RPRD1A: variants seen among roughly 807,000 people sequenced by gnomAD.
RPRD1A encodes regulation of nuclear pre-mRNA domain-containing protein 1A.
Under a neutral mutation model 37.8 loss-of-function variants are expected in RPRD1A, and 9 were observed. The ratio of observed to expected loss-of-function variants is 0.24; its 90% confidence interval spans 0.14 to 0.42. RPRD1A has a LOEUF of 0.42. RPRD1A is among the 10% of genes least tolerant of loss of function. RPRD1A has a pLI of 1.00. For missense variants in RPRD1A, 255 were observed against 371.0 expected (o/e 0.69, Z 2.57); for synonymous variants, 138 against 139.7 (o/e 0.99, Z 0.08).
intron 1 of RPRD1A, among the ~76,000 whole-genome samples, chr18:36,039,140 T>C (rs1912405984): frequency 6.6e-6 from 1 of 152,130 alleles, no homozygotes. Flanking sequence ...TGGAATGATA[T>C]GGTTTGGCTG....
intron 6 of RPRD1A, among the ~76,000 whole-genome samples, chr18:36,013,988 T>C (rs1910337944): frequency 6.6e-6 from 1 of 152,138 alleles, no homozygotes; most frequent in African/African-American, 2.4e-5. Context: ...TTTTCAGTAT[T>C]TGTGGTTTTT....
chr18:36,062,351 T>C (rs1264514766), intron 1 of RPRD1A, among the ~76,000 whole-genome samples: 2 of 120,068 alleles, frequency 1.7e-5, no homozygotes, highest in Admixed American at 8.3e-5. Flanking sequence ...AAAAAAAACA[T>C]GTACCCACTG....
intron 6 of RPRD1A, among the ~76,000 whole-genome samples, chr18:35,995,261 G>GTTTTTTTTT (rs1232555714): frequency 9.2e-6 from 1 of 109,210 alleles, no homozygotes. Context: ...GCTTTTTTTC[G>GTTTTTTTTT]TTTTTTTTTT....
intron 1 of RPRD1A, among the ~76,000 whole-genome samples, chr18:36,052,642 A>G (rs568644731): frequency 6.6e-6 from 1 of 152,282 alleles, no homozygotes; most frequent in South Asian, 2.1e-4. Flanking sequence ...CCTGTCACCC[A>G]GGGTGGAGTG....
At chr18:36,062,322 T>A (rs1458420661) in intron 1 of RPRD1A, among the ~76,000 whole-genome samples, 2 of 35,770 alleles carry the variant, frequency 5.6e-5, no homozygotes, top group African/African-American at 3.6e-4. Context: ...AGACTCCGTC[T>A]CAAAAAAAAA....
intron 6 of RPRD1A, among the ~76,000 whole-genome samples, chr18:36,008,533 A>T (rs529885573): frequency 1.0e-5 from 1 of 99,074 alleles, no homozygotes; most frequent in Non-Finnish European, 2.1e-5. Flanking sequence ...CCATGATTGC[A>T]CCATCGCACT....
chr18:36,017,358 C>A (rs914238625), intron 6 of RPRD1A, among the ~76,000 whole-genome samples: 1 of 152,136 alleles, frequency 6.6e-6, no homozygotes, highest in African/African-American at 2.4e-5. Context: ...GCTTTTACTG[C>A]TGAGCACATT....
At chr18:36,036,571 G>GAC (rs1912208984) in intron 1 of RPRD1A, among the ~76,000 whole-genome samples, 1 of 152,038 alleles carries the variant, frequency 6.6e-6, no homozygotes. Flanking sequence ...ATCTTTGTAG[G>GAC]ACCAAGCAAA....
intron 6 of RPRD1A, among the ~76,000 whole-genome samples, chr18:36,012,537 T>C (rs551049869): frequency 1.6e-4 from 25 of 152,288 alleles, no homozygotes; most frequent in African/African-American, 5.3e-4. Flanking sequence ...CTAGAAGCAA[T>C]AGGCTATACC....
At chr18:36,021,037 C>G (rs147210561) in intron 6 of RPRD1A, among the ~76,000 whole-genome samples, 1 of 152,108 alleles carries the variant, frequency 6.6e-6, no homozygotes, top group Non-Finnish European at 1.5e-5. Flanking sequence ...AAAGATTACA[C>G]GATTCCTGAA....
intron 6 of RPRD1A, among the ~76,000 whole-genome samples, chr18:36,008,369 G>A (rs571143860): frequency 3.3e-5 from 5 of 150,518 alleles, no homozygotes; most frequent in Non-Finnish European, 7.4e-5. Context: ...CTTGTGCCCA[G>A]GAGTCCAAGA....
chr18:36,067,473 C>A lies in RPRD1A; in HGVS notation c.-69G>T. ...GGGGAGGAGAGTTTCGCCGCCCTAG[C>A]TGCGGCCTCGCCCCCTCACCCCACC... On this transcript the variant is annotated 5_prime_UTR_variant, in exon 1 of 7. Transcript: ENST00000399022. 1.3e-6 allele frequency: 2 copies of A among 1,497,906 alleles called. No individual in the cohort carries two copies. Among genetic ancestry groups the A allele is most frequent in the South Asian group, 1.2e-5 (1 of 80,198 alleles). The allele number at this position is 1,497,906 out of a possible 1,614,324, so 92.8% of individuals were successfully genotyped here.
At chr18:36,010,835 A>C (rs1012988007) in intron 6 of RPRD1A, among the ~76,000 whole-genome samples, 4 of 152,228 alleles carry the variant, frequency 2.6e-5, no homozygotes, top group African/African-American at 9.6e-5. Flanking sequence ...AGATTTCATA[A>C]ACAGCAGACA....
intron 2 of RPRD1A, among the ~76,000 whole-genome samples, chr18:36,031,572 T>A (rs1335350563): frequency 6.6e-6 from 1 of 152,150 alleles, no homozygotes; most frequent in Non-Finnish European, 1.5e-5. Context: ...TTAAGAGATA[T>A]CCGGAAGAGT....
chr18:36,045,775 A>C (rs1352940444), intron 1 of RPRD1A, among the ~76,000 whole-genome samples: 1 of 152,224 alleles, frequency 6.6e-6, no homozygotes. Context: ...ACAATCAATA[A>C]AACATTCCTT....
intron 6 of RPRD1A, among the ~76,000 whole-genome samples, chr18:36,004,125 CCAGA>C (rs748496595): frequency 4.7e-5 from 7 of 149,152 alleles, no homozygotes; most frequent in Admixed American, 1.3e-4. Flanking sequence ...GCCACTGCAC[CCAGA>C]CAAATTCTAG....
chr18:36,018,949 C>T (rs1598617340), intron 6 of RPRD1A, among the ~76,000 whole-genome samples: 1 of 152,182 alleles, frequency 6.6e-6, no homozygotes, highest in East Asian at 1.9e-4. Flanking sequence ...GCATTCCAGT[C>T]CCTCTCTGTT....
intron 6 of RPRD1A, among the ~76,000 whole-genome samples, chr18:36,014,546 G>A (rs1481273983): frequency 1.3e-5 from 2 of 152,154 alleles, no homozygotes; most frequent in Admixed American, 6.5e-5. Flanking sequence ...AGACCATCCT[G>A]GCTAACACAC....
At chr18:36,048,777 A>T (rs1913149386) in intron 1 of RPRD1A, among the ~76,000 whole-genome samples, 1 of 152,190 alleles carries the variant, frequency 6.6e-6, no homozygotes, top group African/African-American at 2.4e-5. Context: ...AAATTCTAGC[A>T]AGTACAATAG....
Sources: allele counts gnomAD v4.1 joint callset (sites outside exome capture counted in the v4.1 genomes callset), GRCh38; gene constraint gnomAD v4.1.1; transcripts MANE v1.5; gene names NCBI Gene and HGNC (gene_info 2026-07-23, HGNC 2026-07-21).